The following MYH11 variants were observed in gnomAD, a reference collection of about 807,000 sequenced individuals.
The protein encoded by MYH11 is myosin heavy chain 11.
In MYH11, 80 loss-of-function variants were observed where a neutral mutation model predicts 246.6. The ratio of observed to expected loss-of-function variants is 0.32; its 90% confidence interval spans 0.27 to 0.39. The LOEUF is 0.39. Ranked by LOEUF, MYH11 falls within the 10% of genes least tolerant of loss-of-function variation. MYH11 has a pLI of 1.00. For synonymous variants in MYH11, 1,071 were observed against 1,015.5 expected (o/e 1.05, Z -1.04); for missense variants, 2,158 against 2,546.8 (o/e 0.85, Z 3.29).
intron 25 of MYH11, among the ~76,000 whole-genome samples, chr16:15,736,649 T>C (rs1470331421): frequency 6.6e-6 from 1 of 152,174 alleles, no homozygotes; most frequent in African/African-American, 2.4e-5. Flanking sequence ...ACTGTCAACA[T>C]AGCACAAATT....
chr16:15,803,823 A>G (rs981120258), intron 3 of MYH11, among the ~76,000 whole-genome samples: 5 of 152,180 alleles, frequency 3.3e-5, no homozygotes, highest in Non-Finnish European at 5.9e-5. Context: ...CTCCAGGAGA[A>G]GGCCTGGGAG....
chr16:15,727,206 TA>T (rs1254529477), intron 27 of MYH11, 152 bp from the exon 28 acceptor site: 6 of 703,180 alleles, frequency 8.5e-6, no homozygotes, highest in Non-Finnish European at 9.6e-6. Context: ...TTTTTGTTGT[TA>T]TTTTTTTTTT....
At chr16:15,801,774 T>C (rs1380764503) in intron 3 of MYH11, among the ~76,000 whole-genome samples, 1 of 152,036 alleles carries the variant, frequency 6.6e-6, no homozygotes, top group East Asian at 1.9e-4. Context: ...CTGGCCAACA[T>C]GGTGAAACGC....
At chr16:15,739,364 G>A (rs1310644746) in intron 23 of MYH11, among the ~76,000 whole-genome samples, 1 of 152,024 alleles carries the variant, frequency 6.6e-6, no homozygotes, top group Non-Finnish European at 1.5e-5. Context: ...GCCTCCCAAA[G>A]TGCTGGGATT....
chr16:15,771,456 T>G, intron 9 of MYH11, 113 bp downstream of exon 9: 3 of 974,562 alleles, frequency 3.1e-6, no homozygotes, highest in Non-Finnish European at 4.3e-6. Flanking sequence ...TTTTTTTTAA[T>G]GGAAGGTGGG....
intron 3 of MYH11, among the ~76,000 whole-genome samples, chr16:15,802,114 G>C (rs563498430): frequency 3.3e-5 from 5 of 152,202 alleles, no homozygotes; most frequent in African/African-American, 1.2e-4. Context: ...ACCAAAAATG[G>C]TCAATAGAAA....
chr16:15,777,428 G>A (rs950162760), intron 7 of MYH11, among the ~76,000 whole-genome samples: 3 of 152,146 alleles, frequency 2.0e-5, no homozygotes, highest in Admixed American at 6.6e-5. Flanking sequence ...GCTGAGATGT[G>A]TGTTTCTAAA....
At chr16:15,825,597 G>T (rs1200813678) in intron 2 of MYH11, among the ~76,000 whole-genome samples, 3 of 151,904 alleles carry the variant, frequency 2.0e-5, no homozygotes, top group African/African-American at 7.3e-5. Flanking sequence ...TGCACTTAAT[G>T]GCACTGTTTT....
At position 15,728,848 on chromosome 16, in the gene MYH11, C is replaced by T. The variant is rs185131038; in HGVS notation, c.3652-1794G>A. On this transcript the variant is annotated intron_variant, in intron 27 of 40. Transcript: ENST00000300036. ...CCAGGAGGCGGGGGTTGCAGTGAGCCGAGATCCCGCCAGTGCACTCCAGCC... is the reference window on the plus strand; with the variant it reads ...CCAGGAGGCGGGGGTTGCAGTGAGCTGAGATCCCGCCAGTGCACTCCAGCC... 6.2e-3 allele frequency among the ~76,000 whole-genome samples: 939 copies of T among 151,840 alleles called. 11 individuals are homozygous for T. The highest frequency in any genetic ancestry group is 0.021 in the African/African-American group (886 of 41,400).
At chr16:15,799,281 C>T (rs532047447) in intron 3 of MYH11, among the ~76,000 whole-genome samples, 69 of 152,276 alleles carry the variant, frequency 4.5e-4, no homozygotes, top group Admixed American at 2.0e-3. Context: ...GAATGTGTTC[C>T]AGGCTGCATT....
intron 3 of MYH11, among the ~76,000 whole-genome samples, chr16:15,801,076 C>T (rs548204728): frequency 1.7e-4 from 26 of 151,872 alleles, no homozygotes; most frequent in Non-Finnish European, 2.2e-4. Flanking sequence ...TGTCATGGCA[C>T]ACGCTTGTAA....
intron 9 of MYH11, among the ~76,000 whole-genome samples, chr16:15,767,495 C>G (rs58388760): frequency 6.6e-6 from 1 of 151,216 alleles, no homozygotes; most frequent in Non-Finnish European, 1.5e-5. Context: ...ATTTTTTTTT[C>G]CTTTTTGTGG....
rs1359130399 is a variant in MYH11 at position 15,741,904 on chromosome 16, G to A, written c.2521-13C>T. 18 of 1,614,004 alleles carry A rather than the reference G, an allele frequency of 1.1e-5. No homozygotes were observed. Among genetic ancestry groups the A allele is most frequent in the East Asian group, 4.5e-5 (2 of 44,898 alleles). ...GCAGTGGCTTCACCTGCACACACAC[G>A]GTTAGCCCATCATTTGTTTTTGTGG... On this transcript the variant is annotated splice_polypyrimidine_tract_variant and intron_variant, in intron 20 of 40. Coordinates refer to ENST00000300036, the MANE Select transcript of MYH11 (RefSeq NM_002474.3).
rs889116327 is a variant in MYH11, at chr16:15,851,810, C to G, written c.-18+5131G>C. Among the ~76,000 whole-genome samples the G allele has an allele frequency of 2.0e-5, 3 of 152,188 alleles. No individual in the cohort carries two copies. In the South Asian group the frequency reaches 6.2e-4, roughly 32 times the overall value. ...CATAACACTATTTTTTCCTCCCAAC[C>G]AAGAGAACTTGGTTGGCAAGAGTTA... On this transcript the variant is annotated intron_variant, in intron 1 of 40. Transcript: ENST00000300036.
chr16:15,747,501 A>T, intron 19 of MYH11, 69 bp downstream of exon 19: 1 of 1,589,270 alleles, frequency 6.3e-7, no homozygotes, highest in Admixed American at 1.7e-5. Flanking sequence ...AGAATCAGGG[A>T]ATCAGAACAG....
chr16:15,703,445 AC>A lies in MYH11; in HGVS notation c.*545del. On this transcript the variant is annotated 3_prime_UTR_variant, in exon 41 of 41. Transcript: ENST00000300036. ...TAAACAGAATTGCCAGGGACCGGTT[AC>A]CGTGGATATGTTTTTCTAAAAACTC... 4.2e-6 allele frequency: 1 copy of A among 239,752 alleles called. No individual in the cohort carries two copies. Among genetic ancestry groups the A allele is most frequent in the Non-Finnish European group, 8.2e-6 (1 of 121,412 alleles). The allele number at this position is 239,752 out of a possible 1,614,324, so 14.9% of individuals were successfully genotyped here. A position where few individuals can be genotyped will look rare whatever the true frequency, so the allele number is the denominator to read the frequency against.
chr16:15,717,346 G>A lies in MYH11; in HGVS notation c.5298C>T (p.Ala1766=), dbSNP rs753482794. ...SDRVRKATQQ[A]EQLSNELATE... ...TGGCCAGCTCGTTGCTGAGCTGCTC[G>A]GCCTGGGGAGGAGAGTGAAGGCCAT... Residue 1766 remains alanine, a splice_region_variant and synonymous_variant, in exon 38 of 41, where the codon GCC becomes GCT. Coordinates refer to ENST00000300036, the MANE Select transcript of MYH11 (RefSeq NM_002474.3). 16 of 1,605,752 alleles carry A rather than the reference G, an allele frequency of 1.0e-5. No individual in the cohort carries two copies. Among genetic ancestry groups the A allele is most frequent in the South Asian group, 2.2e-5 (2 of 91,082 alleles).
At chr16:15,790,860 C>T (rs1054848042) in intron 4 of MYH11, 2 of 152,154 alleles carry the variant, frequency 1.3e-5, no homozygotes, top group Non-Finnish European at 2.9e-5. Flanking sequence ...TGACCTGTAC[C>T]GTCTCACAGG....
chr16:15,761,102 A>G (rs7186285), intron 10 of MYH11, among the ~76,000 whole-genome samples: 368 of 152,052 alleles, frequency 2.4e-3, no homozygotes, highest in African/African-American at 6.1e-3. Flanking sequence ...TTATTTATTT[A>G]TTTGTTTATT....
Sources: gnomAD v4.1 joint callset for allele counts (sites outside exome capture counted in the v4.1 genomes callset) on GRCh38, gnomAD v4.1.1 for gene constraint, MANE v1.5 for transcripts, NCBI Gene and HGNC (gene_info 2026-07-23, HGNC 2026-07-21) for gene names.